Variants in HNF4G observed in about 807,000 individuals in gnomAD.
HNF4G encodes hepatocyte nuclear factor 4-gamma.
HNF4G carries 21 observed loss-of-function variants against 50.9 expected under a neutral mutation model. The observed-to-expected ratio is 0.41, with a 90% confidence interval of 0.29 to 0.59. HNF4G has a LOEUF of 0.59. Ranked by LOEUF, HNF4G falls within the 20% of genes least tolerant of loss-of-function variation. HNF4G has a pLI of 0.26. For synonymous variants in HNF4G, 198 were observed against 185.6 expected, an observed-to-expected ratio of 1.07 and a Z score of -0.54; for missense variants, 527 against 559.4, an observed-to-expected ratio of 0.94 and a Z score of 0.58.
At chr8:75,504,582 AC>A (rs1279512990) in intron 2 of HNF4G, among the ~76,000 whole-genome samples, 1 of 152,186 alleles carries the variant, frequency 6.6e-6, no homozygotes, top group Non-Finnish European at 1.5e-5. Context: ...ATTATCTGCA[AC>A]ACATAATGTC....
chr8:75,433,172 C>G (rs1479809804), intron 1 of HNF4G, among the ~76,000 whole-genome samples: 1 of 152,010 alleles, frequency 6.6e-6, no homozygotes, highest in East Asian at 1.9e-4. Context: ...GAAGCTGAGG[C>G]AGGGGCATGG....
chr8:75,501,921 C>T lies in HNF4G; in HGVS notation c.-24+11713C>T, dbSNP rs575232587. Among the ~76,000 whole-genome samples the T allele has an allele frequency of 5.1e-3, 745 of 145,146 alleles. 15 individuals carry two copies. The highest frequency in any genetic ancestry group is 2.7e-3 in the Non-Finnish European group (182 of 66,616). On this transcript the variant is annotated intron_variant, in intron 2 of 10. Transcript: ENST00000354370. Reference sequence around the variant, plus strand: ...AGGCTGGAGTGCAGTGGCGCAATCTCGGCTCACTGCAACCTCCGCCTCCCG... The same window carrying T: ...AGGCTGGAGTGCAGTGGCGCAATCTTGGCTCACTGCAACCTCCGCCTCCCG...
chr8:75,545,648 C>T (rs938030871), intron 2 of HNF4G, among the ~76,000 whole-genome samples: 1 of 152,052 alleles, frequency 6.6e-6, no homozygotes, highest in African/African-American at 2.4e-5. Flanking sequence ...GTAACTGCTC[C>T]ATCAAACTGA....
intron 2 of HNF4G, among the ~76,000 whole-genome samples, chr8:75,531,361 G>C (rs1806321752): frequency 6.6e-6 from 1 of 152,032 alleles, no homozygotes; most frequent in Non-Finnish European, 1.5e-5. Flanking sequence ...TCAATTCCAA[G>C]TATCAACAGT....
intron 1 of HNF4G, among the ~76,000 whole-genome samples, chr8:75,480,059 T>C (rs1464152634): frequency 6.6e-6 from 1 of 152,178 alleles, no homozygotes; most frequent in Admixed American, 6.6e-5. Context: ...AACAATATAA[T>C]TCTTATTAAA....
At chr8:75,517,048 G>A (rs964444377) in intron 2 of HNF4G, among the ~76,000 whole-genome samples, 13 of 152,234 alleles carry the variant, frequency 8.5e-5, no homozygotes, top group East Asian at 5.8e-4. Context: ...CACATCTCAC[G>A]TGGTGTCAGG....
chr8:75,412,859 A>T (rs904754628), intron 1 of HNF4G, among the ~76,000 whole-genome samples: 1 of 152,174 alleles, frequency 6.6e-6, no homozygotes, highest in Non-Finnish European at 1.5e-5. Flanking sequence ...CACTGCAAAC[A>T]GTGATAATCT....
chr8:75,511,398 C>T (rs1805747309), intron 2 of HNF4G, among the ~76,000 whole-genome samples: 1 of 152,154 alleles, frequency 6.6e-6, no homozygotes, highest in Non-Finnish European at 1.5e-5. Flanking sequence ...TTTCCCTATT[C>T]TTCAGAATTA....
chr8:75,529,540 G>A (rs940134822), intron 2 of HNF4G, among the ~76,000 whole-genome samples: 2 of 152,172 alleles, frequency 1.3e-5, no homozygotes, highest in Non-Finnish European at 2.9e-5. Context: ...GACAGAGGGT[G>A]AAGGTAGGGT....
chr8:75,479,244 A>G (rs16939076), intron 1 of HNF4G, among the ~76,000 whole-genome samples: 24,647 of 152,186 alleles, frequency 0.16, 2,307 homozygotes, highest in African/African-American at 0.25. Context: ...TAAAGGAATA[A>G]AAAACAATTG....
intron 1 of HNF4G, among the ~76,000 whole-genome samples, chr8:75,409,452 ATAAG>A (rs1366915126): frequency 2.7e-5 from 4 of 150,916 alleles, no homozygotes; most frequent in Non-Finnish European, 4.4e-5. Flanking sequence ...CATGCAAATA[ATAAG>A]TATTTGTTTT....
intron 8 of HNF4G, 21 bp from the exon 9 acceptor site, chr8:75,560,323 G>A: frequency 6.2e-7 from 1 of 1,610,570 alleles, no homozygotes; most frequent in Non-Finnish European, 8.5e-7. Context: ...CACTAACACA[G>A]CATCTTTTTA....
At chr8:75,500,455 T>C (rs552515000) in intron 2 of HNF4G, among the ~76,000 whole-genome samples, 21 of 152,270 alleles carry the variant, frequency 1.4e-4, no homozygotes, top group African/African-American at 4.3e-4. Flanking sequence ...GGAAAATGTT[T>C]AGCAGTTTTT....
intron 2 of HNF4G, among the ~76,000 whole-genome samples, chr8:75,546,791 A>T (rs1045763817): frequency 6.6e-6 from 1 of 152,126 alleles, no homozygotes. Context: ...ATTTGGATAT[A>T]TCTCCACTTT....
At chr8:75,540,109 A>T (rs763280476) in intron 1 of HNF4G, 29 bp downstream of exon 1, 3 of 1,238,632 alleles carry the variant, frequency 2.4e-6, no homozygotes, top group Non-Finnish European at 3.6e-6. Context: ...ATAGATGTAA[A>T]GAAAAGTAAG....
At position 75,566,089 on chromosome 8, in the gene HNF4G, A is replaced by G. The variant is rs1286216468; in HGVS notation, c.*1993A>G. ...GTGCAGGCTGCTGTAATGAAATACT[A>G]TGAACTTGGCAGCTTATAAACAACA... is the stretch of plus-strand genomic sequence containing the variant. On this transcript the variant is annotated 3_prime_UTR_variant, in exon 10 of 10. Coordinates refer to ENST00000396423, the MANE Select transcript of HNF4G (RefSeq NM_004133.5). The G allele has an allele frequency of 6.6e-6, 1 of 152,152 alleles. No individual in the cohort carries two copies. Among genetic ancestry groups the G allele is most frequent in the Non-Finnish European group, 1.5e-5 (1 of 68,056 alleles). 9.4% of individuals were successfully genotyped at this position (152,152 alleles called of 1,614,324 possible).
chr8:75,561,021 A>G (rs1807297738), intron 9 of HNF4G, among the ~76,000 whole-genome samples: 1 of 152,146 alleles, frequency 6.6e-6, no homozygotes, highest in South Asian at 2.1e-4. Context: ...ATGCAGTTTG[A>G]CCAGTTCTTG....
chr8:75,421,789 C>T (rs1810781276), intron 1 of HNF4G, among the ~76,000 whole-genome samples: 2 of 152,140 alleles, frequency 1.3e-5, no homozygotes, highest in African/African-American at 4.8e-5. Flanking sequence ...GCTGCTCCTG[C>T]TAGTAGAGGC....
chr8:75,554,767 C>T (rs1807065865), intron 5 of HNF4G, among the ~76,000 whole-genome samples: 1 of 152,012 alleles, frequency 6.6e-6, no homozygotes, highest in Admixed American at 6.6e-5. Flanking sequence ...AAGTTCATTC[C>T]AAGTGGAGAT....
Sources: gnomAD v4.1 joint callset for allele counts (sites outside exome capture counted in the v4.1 genomes callset) on GRCh38, gnomAD v4.1.1 for gene constraint, MANE v1.5 for transcripts, NCBI Gene and HGNC (gene_info 2026-07-23, HGNC 2026-07-21) for gene names.